The following MAPK10 variants were observed in gnomAD, a reference collection of about 807,000 sequenced individuals.
MAPK10 encodes JNK3 alpha protein kinase.
A neutral mutation model predicts 59.3 loss-of-function variants in MAPK10; 25 were observed. The ratio of observed to expected loss-of-function variants is 0.42; its 90% CI spans 0.31 to 0.59. The LOEUF is 0.59. MAPK10 is among the 20% of genes least tolerant of loss of function. The pLI, the probability that MAPK10 is intolerant of heterozygous loss-of-function variation, is 0.15. For synonymous variants in MAPK10, 190 were observed against 200.5 expected, an observed-to-expected ratio of 0.95 and a Z score of 0.44; for missense variants, 351 against 568.9, an observed-to-expected ratio of 0.62 and a Z score of 3.90.
intron 4 of MAPK10, among the ~76,000 whole-genome samples, chr4:86,157,749 A>G (rs1418207708): frequency 1.4e-5 from 2 of 143,386 alleles, no homozygotes; most frequent in Admixed American, 1.4e-4. Flanking sequence ...AAAACATACT[A>G]CAAAATTATT....
intron 1 of MAPK10, among the ~76,000 whole-genome samples, chr4:86,569,875 G>A (rs1383856241): frequency 1.3e-5 from 2 of 151,926 alleles, no homozygotes; most frequent in South Asian, 2.1e-4. Flanking sequence ...CAGATGATGG[G>A]TACATTAAAA....
intron 2 of MAPK10, among the ~76,000 whole-genome samples, chr4:86,338,581 T>C (rs1722994617): frequency 6.6e-6 from 1 of 152,194 alleles, no homozygotes; most frequent in South Asian, 2.1e-4. Context: ...CTGACTTAGA[T>C]AAATACACAG....
rs1180431010 is a variant in MAPK10, at chr4:86,145,349, G to A, written c.236+13949C>T. On this transcript the variant is annotated intron_variant, in intron 4 of 13. Transcript: ENST00000641462. ...TGCACTCCAGCCTGGGCTACAGAGC[G>A]AGACACCGTCTCAAAAAAAAAAAAA... Among the ~76,000 whole-genome samples the A allele has an allele frequency of 1.9e-4, 14 of 75,282 alleles. 2 individuals are homozygous for A. Among genetic ancestry groups the A allele is most frequent in the African/African-American group, 9.8e-4 (12 of 12,268 alleles). The allele number at this position is 75,282 out of a possible 152,430, so 49.4% of individuals were successfully genotyped here.
intron 1 of MAPK10, among the ~76,000 whole-genome samples, chr4:86,373,025 T>A (rs1416163143): frequency 1.3e-5 from 2 of 152,162 alleles, no homozygotes; most frequent in Non-Finnish European, 2.9e-5. Flanking sequence ...AAGGCTACAG[T>A]AACCAAAATG....
rs1740441631 is a variant in MAPK10, at chr4:86,379,973, T to C, written c.-121-25329A>G. ...GTTTTCGGCAGGGCGCAGTGGCTCA[T>C]GCCTGTAATCCCAGCACTTTGGGAG... On this transcript the variant is annotated intron_variant, in intron 1 of 13. Transcript: ENST00000361569. 3.9e-5 allele frequency among the ~76,000 whole-genome samples: 6 copies of C among 152,220 alleles called. No homozygotes were observed. In the South Asian group the frequency reaches 1.2e-3, roughly 32 times the overall value.
intron 11 of MAPK10, among the ~76,000 whole-genome samples, chr4:86,035,582 A>G (rs2040113202): frequency 6.6e-6 from 1 of 151,970 alleles, no homozygotes; most frequent in Non-Finnish European, 1.5e-5. Context: ...AAAAAAAAAA[A>G]AAGATGAGGG....
intron 1 of MAPK10, among the ~76,000 whole-genome samples, chr4:86,416,013 C>A (rs73838906): frequency 6.6e-6 from 1 of 151,938 alleles, no homozygotes; most frequent in Non-Finnish European, 1.5e-5. Flanking sequence ...AATAAGAGTA[C>A]CACTGTTATA....
chr4:86,114,771 A>G (rs1251765940), intron 4 of MAPK10, among the ~76,000 whole-genome samples: 1 of 152,208 alleles, frequency 6.6e-6, no homozygotes, highest in Non-Finnish European at 1.5e-5. Flanking sequence ...GGCAGGAAAG[A>G]CTAGGTGCCC....
At chr4:86,109,756 T>C (rs891722878) in intron 4 of MAPK10, among the ~76,000 whole-genome samples, 7 of 152,204 alleles carry the variant, frequency 4.6e-5, no homozygotes, top group African/African-American at 1.7e-4. Context: ...TACCCGGTAA[T>C]GGAATTGCTG....
At chr4:86,187,692 G>GA (rs1182876748) in intron 3 of MAPK10, among the ~76,000 whole-genome samples, 1 of 151,950 alleles carries the variant, frequency 6.6e-6, no homozygotes, top group Non-Finnish European at 1.5e-5. Flanking sequence ...AATAAAACTT[G>GA]AAAAAATTAC....
Position 86,590,179 on chromosome 4 carries a change from A to G in MAPK10, c.-263+3731T>C, listed in dbSNP as rs1294254397. 3.9e-5 allele frequency among the ~76,000 whole-genome samples: 6 copies of G among 152,068 alleles called. No homozygotes were observed. The South Asian group carries it at 1.2e-3, about 31-fold the overall frequency. Reference sequence around the variant, plus strand: ...TGAAGTTAAAAAATCAATATACTAGATGAGTAATATCCTTTGGAAAAGGAT... The same window carrying G: ...TGAAGTTAAAAAATCAATATACTAGGTGAGTAATATCCTTTGGAAAAGGAT... On this transcript the variant is annotated intron_variant, in intron 1 of 4. Coordinates refer to the MAPK10 transcript ENST00000502302.
At chr4:86,551,948 G>A (rs1305070822) in intron 1 of MAPK10, among the ~76,000 whole-genome samples, 1 of 152,004 alleles carries the variant, frequency 6.6e-6, no homozygotes, top group African/African-American at 2.4e-5. Context: ...ACTATTTGTT[G>A]CCATAACAGT....
At chr4:86,076,282 C>T (rs1395384354) in intron 9 of MAPK10, among the ~76,000 whole-genome samples, 4 of 152,142 alleles carry the variant, frequency 2.6e-5, no homozygotes, top group African/African-American at 9.7e-5. Flanking sequence ...CACTGGCCTG[C>T]GCCCACTGTC....
rs186206577 is a variant in MAPK10, at chr4:86,350,993, G to C, written c.-7+3537C>G. 4.3e-4 allele frequency among the ~76,000 whole-genome samples: 66 copies of C among 152,106 alleles called. 1 individual carries two copies. The highest frequency in any genetic ancestry group is 6.2e-4 in the South Asian group (3 of 4,822). Reference sequence around the variant, plus strand: ...TTCTTTGCATTTTTTTGCAGGCATCGTATCTATTCTTAACCTGACACTTAG... The same window carrying C: ...TTCTTTGCATTTTTTTGCAGGCATCCTATCTATTCTTAACCTGACACTTAG... On this transcript the variant is annotated intron_variant, in intron 2 of 13. Coordinates refer to ENST00000641462, the MANE Select transcript of MAPK10 (RefSeq NM_138982.4).
chr4:86,175,211 C>G (rs1040566355), intron 3 of MAPK10, among the ~76,000 whole-genome samples: 1 of 152,034 alleles, frequency 6.6e-6, no homozygotes, highest in Non-Finnish European at 1.5e-5. Context: ...ATTTGGGAAT[C>G]GAAATGGTTA....
intron 1 of MAPK10, among the ~76,000 whole-genome samples, chr4:86,516,997 A>G (rs534074090): frequency 6.6e-6 from 1 of 152,300 alleles, no homozygotes; most frequent in East Asian, 1.9e-4. Flanking sequence ...TCCAGTTCTC[A>G]GGGGAAATAC....
chr4:86,057,720 A>C (rs966248395), intron 11 of MAPK10, among the ~76,000 whole-genome samples: 1 of 150,224 alleles, frequency 6.7e-6, no homozygotes, highest in African/African-American at 2.5e-5. Context: ...TAAACTGTTA[A>C]CAAATAGTCA....
chr4:86,168,307 T>C (rs896789801), intron 3 of MAPK10, among the ~76,000 whole-genome samples: 4 of 152,120 alleles, frequency 2.6e-5, no homozygotes, highest in Non-Finnish European at 5.9e-5. Flanking sequence ...CCTTTCCTAG[T>C]CAAAGAAAGG....
At chr4:86,520,963 C>G (rs1245875142) in intron 1 of MAPK10, among the ~76,000 whole-genome samples, 1 of 152,212 alleles carries the variant, frequency 6.6e-6, no homozygotes, top group Non-Finnish European at 1.5e-5. Context: ...GTGATGTGAT[C>G]CATCTTCAGC....
Sources: allele counts gnomAD v4.1 joint callset (sites outside exome capture counted in the v4.1 genomes callset), GRCh38; gene constraint gnomAD v4.1.1; transcripts MANE v1.5; gene names NCBI Gene and HGNC (gene_info 2026-07-23, HGNC 2026-07-21).